Variants in ARHGEF7 observed in about 807,000 individuals in gnomAD.
The protein encoded by ARHGEF7 is Rho guanine nucleotide exchange factor 7, also known as PAK-interacting exchange factor beta.
In ARHGEF7, 33 loss-of-function variants were observed where a neutral mutation model predicts 109.8. The ratio of observed to expected loss-of-function variants is 0.30; its 90% CI spans 0.23 to 0.40. The LOEUF (loss-of-function observed/expected upper bound fraction) is 0.40. ARHGEF7 is among the 10% of genes least tolerant of loss of function. The probability of loss-of-function intolerance (pLI) is 1.00; values close to 1 mark genes in which losing one functional copy is unlikely to be tolerated. For missense variants in ARHGEF7, 938 were observed against 1,098.5 expected (o/e 0.85, Z 2.07); for synonymous variants, 458 against 424.6 (o/e 1.08, Z -0.97).
chr13:111,121,069 G>T (rs1236956916), intron 1 of ARHGEF7, among the ~76,000 whole-genome samples: 1 of 152,202 alleles, frequency 6.6e-6, no homozygotes, highest in Non-Finnish European at 1.5e-5. Flanking sequence ...AGGACTGGAG[G>T]GGCTGGCTCA....
intron 2 of ARHGEF7, among the ~76,000 whole-genome samples, chr13:111,189,338 G>A (rs2079597057): frequency 6.6e-6 from 1 of 152,170 alleles, no homozygotes; most frequent in African/African-American, 2.4e-5. Flanking sequence ...TCCTTCAGAT[G>A]TTCAGATGTG....
At chr13:111,192,675 C>T (rs1331666645) in intron 2 of ARHGEF7, among the ~76,000 whole-genome samples, 1 of 152,170 alleles carries the variant, frequency 6.6e-6, no homozygotes, top group Admixed American at 6.5e-5. Flanking sequence ...GGATTGTGGC[C>T]TCCAGGCGCA....
At chr13:111,208,003 C>G (rs2082087631) in intron 3 of ARHGEF7, among the ~76,000 whole-genome samples, 2 of 152,080 alleles carry the variant, frequency 1.3e-5, no homozygotes, top group Non-Finnish European at 2.9e-5. Flanking sequence ...TCTGTTTGCC[C>G]TTTGTTTTTG....
intron 5 of ARHGEF7, among the ~76,000 whole-genome samples, chr13:111,220,383 G>T (rs540438166): frequency 6.6e-6 from 1 of 152,214 alleles, no homozygotes; most frequent in African/African-American, 2.4e-5. Context: ...CCTCCTTTAA[G>T]TGTGAATCCT....
At chr13:111,236,609 A>G (rs148385477) in intron 6 of ARHGEF7, among the ~76,000 whole-genome samples, 2 of 152,272 alleles carry the variant, frequency 1.3e-5, no homozygotes, top group East Asian at 3.9e-4. Context: ...CTGTCTTTCT[A>G]GGATTCACTT....
At chr13:111,275,105 G>A (rs2153598656) in intron 11 of ARHGEF7, among the ~76,000 whole-genome samples, 1 of 152,232 alleles carries the variant, frequency 6.6e-6, no homozygotes, top group African/African-American at 2.4e-5. Context: ...CATTTTCTCT[G>A]CTGTTGTGTT....
chr13:111,293,151 A>G, intron 19 of ARHGEF7: 3 of 985,466 alleles, frequency 3.0e-6, no homozygotes, highest in Non-Finnish European at 3.6e-6. Context: ...AAAGCCCGAA[A>G]GCTGAAGCAT....
In ARHGEF7 at chr13:111,239,503, C is replaced by T. The variant is rs1227876096; in HGVS notation, c.760-4369C>T. Among the ~76,000 whole-genome samples the T allele has an allele frequency of 2.0e-5, 3 of 152,156 alleles. No individual in the cohort carries two copies. Among genetic ancestry groups the T allele is most frequent in the Non-Finnish European group, 4.4e-5 (3 of 68,020 alleles). On this transcript the variant is annotated intron_variant, in intron 6 of 21. Coordinates refer to ENST00000646102, the MANE Select transcript of ARHGEF7 (RefSeq NM_001354046.2). The surrounding 1 kb of genome is among the most constrained non-coding windows in gnomAD (Gnocchi z 4.3). ...GTGACAGGGTGTCTTCGGTCTCCAT[C>T]CATCAGCAGTGACCCTAAACCCTGG...
intron 2 of ARHGEF7, among the ~76,000 whole-genome samples, chr13:111,193,908 G>A (rs1262187250): frequency 3.3e-5 from 5 of 152,168 alleles, no homozygotes; most frequent in African/African-American, 4.8e-5. Flanking sequence ...TGAGGGCCAC[G>A]CATGTACATA....
rs149617369 is a variant in ARHGEF7, at chr13:111,176,010, G to C, written c.252+22019G>C. Among the ~76,000 whole-genome samples the C allele has an allele frequency of 6.2e-3, 949 of 152,280 alleles. 7 individuals are homozygous for C. The highest frequency in any genetic ancestry group is 0.011 in the Non-Finnish European group (735 of 68,016). On this transcript the variant is annotated intron_variant, in intron 2 of 21. Coordinates refer to ENST00000646102, the MANE Select transcript of ARHGEF7 (RefSeq NM_001354046.2). ...CTCACTGTCACGAGAAGAGCATGGA[G>C]GTAACTGCCCCATGATTCAATTACC... is the stretch of plus-strand genomic sequence containing the variant.
intron 2 of ARHGEF7, among the ~76,000 whole-genome samples, chr13:111,202,177 C>T (rs1373481146): frequency 6.6e-6 from 1 of 152,208 alleles, no homozygotes; most frequent in Non-Finnish European, 1.5e-5. Flanking sequence ...TGTGTCTGTG[C>T]AGCCACCCTT....
Position 111,258,135 on chromosome 13 carries a change from G to T in ARHGEF7, c.951-9413G>T, listed in dbSNP as rs529033321. 6.6e-6 allele frequency among the ~76,000 whole-genome samples: 1 copy of T among 152,334 alleles called. No individual in the cohort carries two copies. The highest frequency in any genetic ancestry group is 2.1e-4 in the South Asian group (1 of 4,826). On this transcript the variant is annotated intron_variant, in intron 8 of 21. Transcript: ENST00000646102. This position sits in a 1 kb window ranked among gnomAD's most constrained non-coding sequence, Gnocchi z 4.4. ...CACCACCCTCCCACAGCCACAGGCA[G>T]TGCAGCCTGCAGCTCCAGGAGAGAC...
intron 1 of ARHGEF7, among the ~76,000 whole-genome samples, chr13:111,132,236 T>C (rs1460952750): frequency 6.6e-6 from 1 of 152,234 alleles, no homozygotes; most frequent in East Asian, 1.9e-4. Context: ...TCCTGATGGA[T>C]GCATCTGGTG....
At chr13:111,276,444 C>T (rs1410256172) in intron 12 of ARHGEF7, among the ~76,000 whole-genome samples, 3 of 152,196 alleles carry the variant, frequency 2.0e-5, no homozygotes, top group Admixed American at 2.0e-4. Context: ...CCATAAGAAA[C>T]CATGATTATA....
At position 111,153,989 on chromosome 13, in the gene ARHGEF7, G is replaced by C. The variant is rs1157883685; in HGVS notation, c.250G>C (p.Glu84Gln). The C allele has an allele frequency of 4.4e-6, 7 of 1,599,738 alleles. No homozygotes were observed. The African/African-American group carries it at 9.6e-5, about 22-fold the overall frequency. Reference sequence around the variant, plus strand: ...CGGCTGCGGGGCTTCCCTGCGGCTGGAGGTGAGCGCGGGCGGCCACGGGCC... The same window carrying C: ...CGGCTGCGGGGCTTCCCTGCGGCTGCAGGTGAGCGCGGGCGGCCACGGGCC... ...LRGCGASLRL[E>Q]TFDANDLYQG... Residue 84 changes from glutamate to glutamine, a missense_variant and splice_region_variant, in exon 2 of 22, where the codon GAG becomes CAG. Physicochemically the swap from Glu to Gln is conservative, Grantham distance 29. This residue lies in a region of ARHGEF7 where 165 missense variants were observed against 125.8 expected (regional missense o/e 1.31). Transcript: ENST00000646102.
At chr13:111,197,673 G>C (rs1043823859) in intron 2 of ARHGEF7, among the ~76,000 whole-genome samples, 2 of 152,170 alleles carry the variant, frequency 1.3e-5, no homozygotes, top group Non-Finnish European at 1.5e-5. Context: ...CCATATCCTA[G>C]CTTCAGGAAT....
At chr13:111,155,243 A>G (rs1428399746) in intron 2 of ARHGEF7, among the ~76,000 whole-genome samples, 1 of 152,234 alleles carries the variant, frequency 6.6e-6, no homozygotes, top group Admixed American at 6.5e-5. Context: ...GTTATGTAGG[A>G]TAACCCAACA....
chr13:111,167,564 G>T (rs1213576965), intron 2 of ARHGEF7, among the ~76,000 whole-genome samples: 1 of 152,208 alleles, frequency 6.6e-6, no homozygotes, highest in Non-Finnish European at 1.5e-5. Context: ...TCTTTGCCCT[G>T]CATGTGTGAC....
At chr13:111,227,502 T>G (rs1431436105) in intron 5 of ARHGEF7, among the ~76,000 whole-genome samples, 5 of 151,692 alleles carry the variant, frequency 3.3e-5, no homozygotes, top group African/African-American at 1.2e-4. Flanking sequence ...TTTTAGAAAC[T>G]TTTTTTTTAA....
Sources: gnomAD v4.1 joint callset for allele counts (sites outside exome capture counted in the v4.1 genomes callset) on GRCh38, gnomAD v4.1.1 for gene constraint, gnomAD v4.1.1 regional missense constraint, Gnocchi (gnomAD v3.1) non-coding constraint, MANE v1.5 for transcripts, NCBI Gene and HGNC (gene_info 2026-07-23, HGNC 2026-07-21) for gene names.